Variants in PSMD1 observed in about 807,000 individuals in gnomAD.
The protein encoded by PSMD1 is proteasome 26S subunit, non-ATPase 1.
Under a neutral mutation model 119.0 loss-of-function variants are expected in PSMD1, and 18 were observed. That is an observed-to-expected ratio of 0.15 (90% CI 0.10 to 0.22). PSMD1 has a LOEUF of 0.22. Ranked by LOEUF, PSMD1 falls within the 10% of genes least tolerant of loss-of-function variation. PSMD1 has a pLI of 1.00. For synonymous variants in PSMD1, 374 were observed against 396.6 expected (o/e 0.94, Z 0.68); for missense variants, 702 against 1,158.5 (o/e 0.61, Z 5.72).
At chr2:231,098,413 C>T (rs1005397044) in intron 16 of PSMD1, among the ~76,000 whole-genome samples, 1 of 152,132 alleles carries the variant, frequency 6.6e-6, no homozygotes, top group Non-Finnish European at 1.5e-5. Flanking sequence ...CTCTCTTTCT[C>T]TGTCTCTGAC....
intron 16 of PSMD1, among the ~76,000 whole-genome samples, chr2:231,103,322 C>T (rs1028599727): frequency 6.6e-6 from 1 of 152,160 alleles, no homozygotes; most frequent in Non-Finnish European, 1.5e-5. Flanking sequence ...TTCATAAAGA[C>T]TCTAGACAAT....
Position 231,170,689 on chromosome 2 carries a change from C to T in PSMD1, c.2839C>T (p.Pro947Ser). 1 of 1,613,022 alleles carries T rather than the reference C, an allele frequency of 6.2e-7. No homozygotes were observed. The highest frequency in any genetic ancestry group is 8.5e-7 in the Non-Finnish European group (1 of 1,179,668). Residue 947 changes from proline to serine, a missense_variant, in exon 24 of 25, where the codon CCA becomes TCA. This residue lies in a region of PSMD1 where 152 missense variants were observed against 239.3 expected (regional missense o/e 0.64). Coordinates refer to ENST00000308696, the MANE Select transcript of PSMD1 (RefSeq NM_002807.4). The surrounding 1 kb of genome is among the most constrained non-coding windows in gnomAD (Gnocchi z 4.1). ...GGAACAAGAGCCAGAACCCCCAGAA[C>T]CATTTGAGTATATTGATGATTAAGG... Reference protein sequence around the residue: ...EEEQEPEPPEPFEYIDD With the variant: ...EEEQEPEPPESFEYIDD
intron 14 of PSMD1, 100 bp from the exon 15 acceptor site, chr2:231,084,919 C>T: frequency 1.1e-6 from 1 of 902,528 alleles, no homozygotes; most frequent in Middle Eastern, 3.3e-4. Flanking sequence ...CATTTCCTAT[C>T]TGAGACCAGC....
At chr2:231,159,262 A>G (rs1320724575) in intron 19 of PSMD1, among the ~76,000 whole-genome samples, 1 of 152,206 alleles carries the variant, frequency 6.6e-6, no homozygotes, top group Non-Finnish European at 1.5e-5. Flanking sequence ...ATCCAGCACT[A>G]ACTCTGTTAC....
intron 1 of PSMD1, among the ~76,000 whole-genome samples, chr2:231,058,336 T>G (rs1693662678): frequency 6.6e-6 from 1 of 152,194 alleles, no homozygotes; most frequent in Non-Finnish European, 1.5e-5. Flanking sequence ...TTTTCGACCA[T>G]TACCTCCGTA....
rs191364209 is a variant in PSMD1 at position 231,146,463 on chromosome 2, A to T, written c.2115+107A>T. The T allele has an allele frequency of 6.3e-5, 49 of 781,798 alleles. No individual in the cohort carries two copies. In the Admixed American group the frequency reaches 8.0e-4, roughly 13 times the overall value. 48.4% of individuals were successfully genotyped at this position (781,798 alleles called of 1,614,324 possible). On this transcript the variant is annotated intron_variant, in intron 18 of 24. Transcript: ENST00000308696. ...TAGTTCAAATATGGTAAACACTGAA[A>T]GTAAAGTAAAAGTAAAGAGAGCATT... is the stretch of plus-strand genomic sequence containing the variant.
rs535022688 is a variant in PSMD1, at chr2:231,103,192, G to A, written c.1883+16011G>A. On this transcript the variant is annotated intron_variant, in intron 16 of 24. Transcript: ENST00000308696. ...GTGGATGGAAATGTTGAATAAAACA[G>A]AACAAAACACAGACCCATATAGCAT... Among the ~76,000 whole-genome samples, 7 of 152,260 alleles carry A rather than the reference G, an allele frequency of 4.6e-5. No individual in the cohort carries two copies. The South Asian group carries it at 1.5e-3, about 32-fold the overall frequency.
chr2:231,063,984 A>G (rs1263194900), intron 4 of PSMD1, among the ~76,000 whole-genome samples: 1 of 151,900 alleles, frequency 6.6e-6, no homozygotes, highest in East Asian at 1.9e-4. Flanking sequence ...TCTTTAATGA[A>G]GGTTTATGGT....
At position 231,082,957 on chromosome 2, in the gene PSMD1, G is replaced by T; in HGVS notation, c.1488G>T (p.Leu496Phe). The T allele has an allele frequency of 6.2e-7, 1 of 1,614,002 alleles. No individual in the cohort carries two copies. The highest frequency in any genetic ancestry group is 8.5e-7 in the Non-Finnish European group (1 of 1,179,898). The stretch of plus-strand genomic sequence containing the variant: ...CTGCACGTCAAGATGTTTATGATTT[G>T]CTAAAAACAAACCTTTATCAGGATG... ...MGTARQDVYDLLKTNLYQDDA... is the reference protein window; with the variant it reads ...MGTARQDVYDFLKTNLYQDDA... The change falls in exon 13 of 25, where the codon TTG becomes TTT. Residue 496 changes from leucine (L) to phenylalanine (F), a missense_variant. By Grantham distance (22) the Leu-to-Phe change is conservative. This residue lies in a region of PSMD1 where 272 missense variants were observed against 511.6 expected (regional missense o/e 0.53). Coordinates refer to ENST00000308696, the MANE Select transcript of PSMD1 (RefSeq NM_002807.4).
chr2:231,162,966 G>GT (rs1696676566), intron 20 of PSMD1: 3 of 151,960 alleles, frequency 2.0e-5, no homozygotes, highest in Non-Finnish European at 2.9e-5. Flanking sequence ...GGGCATGGTG[G>GT]CGGGCACCTG....
chr2:231,087,048 A>G, intron 15 of PSMD1, 69 bp from the exon 16 acceptor site: 2 of 1,290,832 alleles, frequency 1.5e-6, no homozygotes, highest in East Asian at 2.3e-5. Flanking sequence ...AATGATGCTG[A>G]CCTCTCATGT....
intron 1 of PSMD1, 149 bp from the exon 2 acceptor site, chr2:231,061,118 T>C (rs989196096): frequency 7.0e-6 from 4 of 568,688 alleles, no homozygotes; most frequent in South Asian, 4.2e-5. Flanking sequence ...ATATAAACCT[T>C]TACACTTTCA....
In PSMD1 at chr2:231,062,494, A is replaced by C. The variant is rs758775062; in HGVS notation, c.135-12A>C. Reference sequence around the variant, plus strand: ...AGTTTGAACTAGACCTGTACTTCCTAATTTCTTTCAGAGAGGTTTTATACG... The same window carrying C: ...AGTTTGAACTAGACCTGTACTTCCTCATTTCTTTCAGAGAGGTTTTATACG... On this transcript the variant is annotated splice_polypyrimidine_tract_variant and intron_variant, in intron 3 of 24. Transcript: ENST00000308696. The C allele has an allele frequency of 6.3e-7, 1 of 1,577,268 alleles. No individual in the cohort carries two copies. Among genetic ancestry groups the C allele is most frequent in the East Asian group, 2.2e-5 (1 of 44,548 alleles).
rs145397494 is a variant in PSMD1, at chr2:231,144,336, C to T, written c.1999-1904C>T. ...GCACTATCCTGCCTCACTGCAACCT[C>T]TGCCTCCTTGGTTCAAGCGATTCTC... On this transcript the variant is annotated intron_variant, in intron 17 of 24. Coordinates refer to ENST00000308696, the MANE Select transcript of PSMD1 (RefSeq NM_002807.4). 8.2e-3 allele frequency among the ~76,000 whole-genome samples: 1,228 copies of T among 150,300 alleles called. 24 individuals are homozygous for T. The highest frequency in any genetic ancestry group is 0.029 in the African/African-American group (1,181 of 40,978).
intron 18 of PSMD1, among the ~76,000 whole-genome samples, chr2:231,148,360 G>A (rs1042947387): frequency 2.0e-5 from 3 of 152,142 alleles, no homozygotes; most frequent in Non-Finnish European, 4.4e-5. Flanking sequence ...CAAGACAAAT[G>A]TTCTGTCTTC....
intron 15 of PSMD1, among the ~76,000 whole-genome samples, chr2:231,085,841 G>A (rs951886343): frequency 5.3e-5 from 8 of 152,098 alleles, no homozygotes; most frequent in African/African-American, 1.9e-4. Context: ...TTTTATCATC[G>A]TGGTGCTGGG....
chr2:231,083,681 G>T lies in PSMD1; in HGVS notation c.1640G>T (p.Gly547Val). The change falls in exon 14 of 25, where the codon GGT becomes GTT. Residue 547 changes from glycine to valine, a missense_variant. Transcript: ENST00000308696. ...ACTCAACATGAGAAGATTCTGCGTG[G>T]TCTTGCAGTTGGCATAGCTTTAGTA... is the stretch of plus-strand genomic sequence containing the variant. ...QETQHEKILRGLAVGIALVMY... is the reference protein window; with the variant it reads ...QETQHEKILRVLAVGIALVMY... 3 of 1,614,204 alleles carry T rather than the reference G, an allele frequency of 1.9e-6. No individual in the cohort carries two copies. The highest frequency in any genetic ancestry group is 2.5e-6 in the Non-Finnish European group (3 of 1,180,036).
intron 16 of PSMD1, among the ~76,000 whole-genome samples, chr2:231,095,047 C>A (rs912607571): frequency 3.9e-5 from 6 of 152,192 alleles, no homozygotes; most frequent in African/African-American, 1.4e-4. Flanking sequence ...GTCCTATTAA[C>A]CCTGTCGGGA....
intron 16 of PSMD1, chr2:231,109,237 A>G (rs2125204867): frequency 6.2e-7 from 1 of 1,614,184 alleles, no homozygotes; most frequent in Non-Finnish European, 8.5e-7. Context: ...TCTGTAAAGC[A>G]TGGATAGTGA....
Sources: gnomAD v4.1 joint callset for allele counts (sites outside exome capture counted in the v4.1 genomes callset) on GRCh38, gnomAD v4.1.1 for gene constraint, gnomAD v4.1.1 regional missense constraint, Gnocchi (gnomAD v3.1) non-coding constraint, MANE v1.5 for transcripts, NCBI Gene and HGNC (gene_info 2026-07-23, HGNC 2026-07-21) for gene names.